Variants in DRC2 observed in about 807,000 individuals in gnomAD.
DRC2 encodes coiled-coil domain containing 65.
chr12:48,914,574 G>C, the DRC2 span: 2 of 1,613,336 alleles, frequency 1.2e-6, no homozygotes, highest in Non-Finnish European at 8.5e-7. Context: ...AGACAGAAAG[G>C]TATGGGGGCC....
chr12:48,904,359 C>T, the DRC2 span: 3 of 1,613,544 alleles, frequency 1.9e-6, no homozygotes, highest in Non-Finnish European at 2.5e-6. Context: ...GAAAAAATGG[C>T]CAAGACGCCC....
chr12:48,920,497 A>T, the DRC2 span, among the ~76,000 whole-genome samples: 4 of 137,454 alleles, frequency 2.9e-5, no homozygotes, highest in Non-Finnish European at 6.2e-5. Flanking sequence ...TTTTTTTTTT[A>T]AAGGAATGAA....
At chr12:48,918,711 G>T in the DRC2 span, 1 of 1,613,684 alleles carries the variant, frequency 6.2e-7, no homozygotes, top group African/African-American at 1.3e-5. Context: ...CAAAAGGCAA[G>T]ATCATGATAC....
At chr12:48,909,962 T>C in the DRC2 span, among the ~76,000 whole-genome samples, 1 of 151,906 alleles carries the variant, frequency 6.6e-6, no homozygotes, top group Non-Finnish European at 1.5e-5. Flanking sequence ...GTATTTTTAG[T>C]AGAGACGGGG....
chr12:48,917,101 A>G, the DRC2 span: 14 of 1,614,078 alleles, frequency 8.7e-6, no homozygotes, highest in East Asian at 2.2e-5. Context: ...AATGATCTCA[A>G]AAACATGGTA....
chr12:48,918,031 G>A, the DRC2 span: 4 of 452,832 alleles, frequency 8.8e-6, no homozygotes, highest in Non-Finnish European at 1.2e-5. Flanking sequence ...CAAGGCTCAC[G>A]TGGAGCTCAG....
At chr12:48,919,537 G>C in the DRC2 span, among the ~76,000 whole-genome samples, 1 of 145,056 alleles carries the variant, frequency 6.9e-6, no homozygotes, top group Admixed American at 6.9e-5. Context: ...TTTTTGAGAC[G>C]AAGTTTTATT....
chr12:48,904,952 C>T, the DRC2 span: 1 of 1,598,600 alleles, frequency 6.3e-7, no homozygotes, highest in Admixed American at 1.7e-5. Flanking sequence ...ACAGGACAAG[C>T]TGGCCAAGGA....
chr12:48,912,889 G>A, the DRC2 span, among the ~76,000 whole-genome samples: 1 of 151,694 alleles, frequency 6.6e-6, no homozygotes, highest in South Asian at 2.1e-4. Context: ...CATAATCCCA[G>A]AACTTTGGGA....
At chr12:48,905,385 G>C in the DRC2 span, among the ~76,000 whole-genome samples, 2 of 152,190 alleles carry the variant, frequency 1.3e-5, no homozygotes, top group East Asian at 3.8e-4. Flanking sequence ...CCAGTGACTT[G>C]AAATGAGTCC....
At chr12:48,904,645 G>A in the DRC2 span, among the ~76,000 whole-genome samples, 1 of 152,176 alleles carries the variant, frequency 6.6e-6, no homozygotes, top group Non-Finnish European at 1.5e-5. Flanking sequence ...TGCGAAGCAC[G>A]GAGGGGGTGC....
the DRC2 span, chr12:48,904,168 G>C: frequency 1.2e-6 from 1 of 815,312 alleles, no homozygotes; most frequent in Non-Finnish European, 1.9e-6. Context: ...CAGCCTCACT[G>C]ATAGCCGGGG....
chr12:48,908,143 T>TG, the DRC2 span, among the ~76,000 whole-genome samples: 4 of 152,162 alleles, frequency 2.6e-5, no homozygotes, highest in Non-Finnish European at 5.9e-5. Context: ...GGTCTCGCTG[T>TG]GTTGCCCAGG....
the DRC2 span, chr12:48,918,514 C>T: frequency 6.3e-6 from 10 of 1,587,316 alleles, no homozygotes; most frequent in African/African-American, 5.4e-5. Context: ...TTTAACTGCT[C>T]TATTATCCCC....
chr12:48,916,937 C>G, the DRC2 span: 3 of 1,608,144 alleles, frequency 1.9e-6, no homozygotes, highest in Non-Finnish European at 1.7e-6. Context: ...TCCTGTATCC[C>G]TCAGAGCAGG....
the DRC2 span, chr12:48,917,205 C>T: frequency 2.1e-6 from 3 of 1,398,612 alleles, no homozygotes; most frequent in Admixed American, 5.6e-5. Flanking sequence ...AATCCCAGCA[C>T]CTTGGTAGGC....
the DRC2 span, chr12:48,918,102 C>A: frequency 3.3e-6 from 2 of 609,336 alleles, no homozygotes; most frequent in East Asian, 5.7e-5. Context: ...AGGCCCCACC[C>A]GGCCCACAAA....
the DRC2 span, chr12:48,904,285 C>T: frequency 6.3e-7 from 1 of 1,580,038 alleles, no homozygotes; most frequent in Non-Finnish European, 8.6e-7. Context: ...AGCTCTGTAA[C>T]GCGGGCCGAG....
the DRC2 span, chr12:48,905,070 A>C: frequency 8.1e-6 from 13 of 1,613,856 alleles, no homozygotes; most frequent in Non-Finnish European, 1.1e-5. Flanking sequence ...ATCCTCAGCC[A>C]AACATTTGAA....
Sources: gnomAD v4.1 joint callset for allele counts (sites outside exome capture counted in the v4.1 genomes callset) on GRCh38, gnomAD v4.1.1 for gene constraint, MANE v1.5 for transcripts, NCBI Gene and HGNC (gene_info 2026-07-23, HGNC 2026-07-21) for gene names.